FRAS1: variants seen among roughly 807,000 people sequenced by gnomAD.
FRAS1 encodes the protein extracellular matrix organizing protein FRAS1.
A neutral mutation model predicts 435.2 loss-of-function variants in FRAS1; 290 were observed. The ratio of observed to expected loss-of-function variants is 0.67; its 90% CI spans 0.61 to 0.73. The LOEUF (loss-of-function observed/expected upper bound fraction) is 0.73, where lower values mean the gene tolerates loss of function less well. Among genes scored for constraint, FRAS1 ranks in the 30% least tolerant of loss-of-function variants. The pLI, the probability that FRAS1 is intolerant of heterozygous loss-of-function variation, is 0.00. For missense variants in FRAS1, 4,860 were observed against 5,001.5 expected (o/e 0.97, Z 0.85); for synonymous variants, 1,800 against 1,851.0 (o/e 0.97, Z 0.71).
At chr4:78,126,096 C>CAG (rs1719337867) in intron 2 of FRAS1, among the ~76,000 whole-genome samples, 1 of 152,208 alleles carries the variant, frequency 6.6e-6, no homozygotes, top group South Asian at 2.1e-4. Context: ...CCTACTCAAG[C>CAG]TTCAGCAATG....
chr4:78,064,361 CTATTT>C (rs1739894832), intron 1 of FRAS1, among the ~76,000 whole-genome samples: 1 of 151,162 alleles, frequency 6.6e-6, no homozygotes, highest in Non-Finnish European at 1.5e-5. Context: ...TGGCTAGAAA[CTATTT>C]TAAAGTAAAA....
chr4:78,382,305 A>T (rs4975078), intron 27 of FRAS1, among the ~76,000 whole-genome samples: 118,014 of 151,784 alleles, frequency 0.78, 46,878 homozygotes, highest in African/African-American at 0.95. Context: ...AATAATTTTT[A>T]AAAATGATAA....
At chr4:78,447,113 G>T (rs1005819502) in intron 43 of FRAS1, among the ~76,000 whole-genome samples, 2 of 149,980 alleles carry the variant, frequency 1.3e-5, no homozygotes, top group African/African-American at 2.5e-5. Flanking sequence ...AATTTCAGCC[G>T]TTTTTTTGCT....
At chr4:78,179,422 G>A (rs1338312984) in intron 2 of FRAS1, among the ~76,000 whole-genome samples, 1 of 152,134 alleles carries the variant, frequency 6.6e-6, no homozygotes, top group African/African-American at 2.4e-5. Context: ...ATCTCCTCAG[G>A]CCTTGGATGA....
At chr4:78,188,937 A>G (rs1722407488) in intron 2 of FRAS1, among the ~76,000 whole-genome samples, 1 of 152,234 alleles carries the variant, frequency 6.6e-6, no homozygotes, top group Non-Finnish European at 1.5e-5. Flanking sequence ...AAAACAGCTC[A>G]AAGTATGTGC....
intron 3 of FRAS1, among the ~76,000 whole-genome samples, chr4:78,244,330 TC>T (rs1725139779): frequency 6.6e-6 from 1 of 152,154 alleles, no homozygotes; most frequent in African/African-American, 2.4e-5. Context: ...TAGACTTTTA[TC>T]CTGTGGATAA....
chr4:78,130,236 T>A (rs932190007), intron 2 of FRAS1, among the ~76,000 whole-genome samples: 21 of 152,210 alleles, frequency 1.4e-4, no homozygotes, highest in Non-Finnish European at 2.9e-4. Context: ...GGTGATTTTT[T>A]AAAAATTATG....
chr4:78,317,704 A>C (rs1057412969), intron 17 of FRAS1, among the ~76,000 whole-genome samples, 196 bp downstream of exon 17: 1 of 152,230 alleles, frequency 6.6e-6, no homozygotes, highest in Non-Finnish European at 1.5e-5. Flanking sequence ...AAAATTTGTG[A>C]AGACACTCAA....
At chr4:78,126,281 T>C (rs1172009696) in intron 2 of FRAS1, among the ~76,000 whole-genome samples, 1 of 152,086 alleles carries the variant, frequency 6.6e-6, no homozygotes, top group Non-Finnish European at 1.5e-5. Context: ...GGCAGGAGTG[T>C]ACCTCTCCTC....
chr4:78,457,595 C>A (rs902096423), intron 47 of FRAS1, among the ~76,000 whole-genome samples: 3 of 152,206 alleles, frequency 2.0e-5, no homozygotes, highest in Non-Finnish European at 4.4e-5. Context: ...TTATCCTCAT[C>A]AAATTGAAAA....
rs751872366 is a variant in FRAS1, at chr4:78,103,643, C to T, written c.108+37627C>T. Among the ~76,000 whole-genome samples, 25 of 152,006 alleles carry T rather than the reference C, an allele frequency of 1.6e-4. 1 individual carries two copies. Among genetic ancestry groups the T allele is most frequent in the Non-Finnish European group, 2.2e-4 (15 of 68,012 alleles). ...TGTGATTAGATGACGAGGGAAGAGC[C>T]CTCATGATTGGGGTTAGTGCCTATA... On this transcript the variant is annotated intron_variant, in intron 2 of 73. Coordinates refer to ENST00000512123, the MANE Select transcript of FRAS1 (RefSeq NM_025074.7).
intron 61 of FRAS1, among the ~76,000 whole-genome samples, chr4:78,500,985 A>T (rs1720659713): frequency 6.6e-6 from 1 of 152,104 alleles, no homozygotes; most frequent in African/African-American, 2.4e-5. Flanking sequence ...TTATATATAT[A>T]CTTTAAGTTC....
At position 78,540,785 on chromosome 4, in the gene FRAS1, A is replaced by T; in HGVS notation, c.11700A>T (p.Ser3900=). The part of the protein sequence containing the change: ...MQELAVAASL[S]QTGASIGSAL... ...AGTTGGCGGTAGCTGCGTCCCTGTC[A>T]CAGACTGGGGCGTCCATTGGCAGTG... Residue 3900 remains serine (S), a synonymous_variant, in exon 74 of 74, where the codon TCA becomes TCT. Transcript: ENST00000512123. 1 of 1,613,876 alleles carries T rather than the reference A, an allele frequency of 6.2e-7. No homozygotes were observed. Among genetic ancestry groups the T allele is most frequent in the Non-Finnish European group, 8.5e-7 (1 of 1,179,808 alleles).
intron 9 of FRAS1, among the ~76,000 whole-genome samples, chr4:78,275,470 G>A (rs1726958371): frequency 1.3e-5 from 2 of 152,144 alleles, no homozygotes; most frequent in African/African-American, 4.8e-5. Context: ...TCCTTTCCAT[G>A]TTTAGTGCTT....
chr4:78,313,640 C>T (rs1729124314), intron 15 of FRAS1, among the ~76,000 whole-genome samples: 1 of 152,198 alleles, frequency 6.6e-6, no homozygotes. Context: ...CTGTTCAAAG[C>T]CAGTCTCTCA....
intron 70 of FRAS1, among the ~76,000 whole-genome samples, chr4:78,533,266 G>C (rs192821922): frequency 6.6e-6 from 1 of 151,958 alleles, no homozygotes; most frequent in Non-Finnish European, 1.5e-5. Context: ...TTTCTGTTTC[G>C]TCCACAGATG....
chr4:78,452,111 C>G, intron 46 of FRAS1, 64 bp from the exon 47 acceptor site: 1 of 1,534,786 alleles, frequency 6.5e-7, no homozygotes, highest in Non-Finnish European at 9.0e-7. Flanking sequence ...TGGCACCAGG[C>G]CTAGAATTAA....
chr4:78,303,466 G>C (rs978719971), intron 14 of FRAS1, among the ~76,000 whole-genome samples: 64 of 152,052 alleles, frequency 4.2e-4, no homozygotes, highest in Non-Finnish European at 7.5e-4. Flanking sequence ...CTATTTTCAC[G>C]ATATTGATTC....
chr4:78,125,541 C>T (rs1719297236), intron 2 of FRAS1, among the ~76,000 whole-genome samples: 1 of 152,086 alleles, frequency 6.6e-6, no homozygotes, highest in Admixed American at 6.6e-5. Flanking sequence ...TCCTGGATAT[C>T]TTTGTTAATT....
Sources: gnomAD v4.1 joint callset for allele counts (sites outside exome capture counted in the v4.1 genomes callset) on GRCh38, gnomAD v4.1.1 for gene constraint, MANE v1.5 for transcripts, NCBI Gene and HGNC (gene_info 2026-07-23, HGNC 2026-07-21) for gene names.